TRPM6: variants seen among roughly 807,000 people sequenced by gnomAD.
The protein encoded by TRPM6 is channel kinase 2.
Under a neutral mutation model 247.6 loss-of-function variants are expected in TRPM6, and 111 were observed. The ratio of observed to expected loss-of-function variants is 0.45; its 90% CI spans 0.38 to 0.52. The LOEUF is 0.52. TRPM6 is among the 20% of genes least tolerant of loss of function. The probability of loss-of-function intolerance (pLI) is 0.00; values close to 1 mark genes in which losing one functional copy is unlikely to be tolerated. For missense variants in TRPM6, 2,126 were observed against 2,421.5 expected (o/e 0.88, Z 2.56); for synonymous variants, 892 against 853.8 (o/e 1.04, Z -0.78).
At position 74,801,993 on chromosome 9, in the gene TRPM6, G is replaced by A. The variant is rs1339465325; in HGVS notation, c.1914C>T (p.Ala638=). 6 of 1,614,062 alleles carry A rather than the reference G, an allele frequency of 3.7e-6. No homozygotes were observed. Among genetic ancestry groups the A allele is most frequent in the African/African-American group, 1.3e-5 (1 of 74,936 alleles). ...CCCGGTAGAGGATACACGCAATCAC[G>A]GCTTTAACCGTGGCCTCCTCTCCAT... ...WQHGEEATVK[A]VIACILYRAM... Residue 638 remains alanine (A), a synonymous_variant, in exon 16 of 39, where the codon GCC becomes GCT. Transcript: ENST00000360774.
intron 13 of TRPM6, among the ~76,000 whole-genome samples, 188 bp downstream of exon 13, chr9:74,810,627 A>G (rs1828696973): frequency 6.6e-6 from 1 of 152,236 alleles, no homozygotes; most frequent in Admixed American, 6.5e-5. Context: ...TTTAAAACAT[A>G]AAGTAAATTA....
intron 23 of TRPM6, among the ~76,000 whole-genome samples, chr9:74,777,064 T>C (rs1402066256): frequency 6.6e-6 from 1 of 152,170 alleles, no homozygotes; most frequent in African/African-American, 2.4e-5. Flanking sequence ...AGAAGGTGAT[T>C]GAAACATAGA....
chr9:74,795,449 C>T (rs1828057268), intron 18 of TRPM6, among the ~76,000 whole-genome samples: 1 of 152,196 alleles, frequency 6.6e-6, no homozygotes, highest in Admixed American at 6.5e-5. Context: ...CAGCTTGTCA[C>T]ATAACCCTCA....
chr9:74,866,861 A>G (rs1412260057), intron 1 of TRPM6, among the ~76,000 whole-genome samples: 1 of 152,206 alleles, frequency 6.6e-6, no homozygotes, highest in Non-Finnish European at 1.5e-5. Context: ...AAAACTACCA[A>G]GTACTCCAAA....
intron 33 of TRPM6, 39 bp from the exon 34 acceptor site, chr9:74,740,048 G>C (rs1204569933): frequency 1.2e-6 from 2 of 1,605,742 alleles, no homozygotes; most frequent in Non-Finnish European, 1.7e-6. Flanking sequence ...CAATAAGATT[G>C]CCATGTCTGT....
intron 5 of TRPM6, among the ~76,000 whole-genome samples, chr9:74,839,313 C>G (rs2118181138): frequency 6.6e-6 from 1 of 152,154 alleles, no homozygotes; most frequent in African/African-American, 2.4e-5. Context: ...AGACAGTTCA[C>G]AAACACTGAA....
chr9:74,809,619 T>G (rs1233674161), intron 13 of TRPM6, among the ~76,000 whole-genome samples: 1 of 152,194 alleles, frequency 6.6e-6, no homozygotes, highest in African/African-American at 2.4e-5. Flanking sequence ...AAAATCATTT[T>G]TATATTGCAT....
intron 9 of TRPM6, among the ~76,000 whole-genome samples, chr9:74,817,743 G>A (rs936985189): frequency 2.5e-4 from 38 of 151,918 alleles, no homozygotes; most frequent in Non-Finnish European, 5.2e-4. Context: ...CAAAAAAAGG[G>A]GGGGGGAGTC....
intron 1 of TRPM6, among the ~76,000 whole-genome samples, chr9:74,871,257 C>T (rs541224923): frequency 4.6e-5 from 7 of 152,092 alleles, no homozygotes; most frequent in African/African-American, 1.7e-4. Context: ...AGTTAAATTT[C>T]CCTCCCACCC....
intron 13 of TRPM6, among the ~76,000 whole-genome samples, chr9:74,809,713 C>A (rs956550086): frequency 5.3e-5 from 8 of 152,002 alleles, no homozygotes; most frequent in African/African-American, 1.9e-4. Flanking sequence ...GCACGATGGA[C>A]CATGCCTGTA....
At chr9:74,777,874 T>C (rs890779308) in intron 23 of TRPM6, among the ~76,000 whole-genome samples, 1 of 152,212 alleles carries the variant, frequency 6.6e-6, no homozygotes, top group Non-Finnish European at 1.5e-5. Context: ...GTGCATTTAG[T>C]TTTCTTTAAG....
intron 1 of TRPM6, among the ~76,000 whole-genome samples, chr9:74,882,372 A>T (rs2118534992): frequency 6.6e-6 from 1 of 152,338 alleles, no homozygotes; most frequent in African/African-American, 2.4e-5. Context: ...CAGGGGACTA[A>T]TATCCAGAAT....
rs143587180 is a variant in TRPM6 at position 74,808,107 on chromosome 9, C to T, written c.1565G>A (p.Gly522Asp). 6.2e-7 allele frequency: 1 copy of T among 1,613,970 alleles called. No homozygotes were observed. The highest frequency in any genetic ancestry group is 8.5e-7 in the Non-Finnish European group (1 of 1,179,924). Reference sequence around the variant, plus strand: ...AGTGTAGTTGCTGCGATATGCTCTACCAATGAGGTATTCTACTACTAATCC... The same window carrying T: ...AGTGTAGTTGCTGCGATATGCTCTATCAATGAGGTATTCTACTACTAATCC... ...DIGLVVEYLI[G>D]RAYRSNYTRK... The change falls in exon 14 of 39, where the codon GGT becomes GAT. Residue 522 changes from glycine (G) to aspartate (D), a missense_variant. Physicochemically the swap from Gly to Asp is moderately conservative, Grantham distance 94. Coordinates refer to ENST00000360774, the MANE Select transcript of TRPM6 (RefSeq NM_017662.5).
intron 30 of TRPM6, among the ~76,000 whole-genome samples, chr9:74,748,395 AAAC>A (rs1826121409): frequency 6.6e-6 from 1 of 152,220 alleles, no homozygotes; most frequent in African/African-American, 2.4e-5. Context: ...AGTTAACTGT[AAAC>A]AGCCTCTGGC....
chr9:74,745,611 C>T lies in TRPM6; in HGVS notation c.5084-1466G>A, dbSNP rs145375484. ...CAGAGTTGAAGGAAGAGAGGGGCAG[C>T]AATATGTATAAATGAAGAGTATTCC... On this transcript the variant is annotated intron_variant, in intron 31 of 38. Coordinates refer to ENST00000360774, the MANE Select transcript of TRPM6 (RefSeq NM_017662.5). Among the ~76,000 whole-genome samples, 16 of 152,110 alleles carry T rather than the reference C, an allele frequency of 1.1e-4. No homozygotes were observed. The East Asian group carries it at 2.5e-3, about 24-fold the overall frequency.
intron 1 of TRPM6, chr9:74,875,368 C>T: frequency 2.6e-6 from 1 of 390,050 alleles, no homozygotes; most frequent in South Asian, 1.8e-5. Flanking sequence ...CAAGGTAAAA[C>T]CCTGTCTCTA....
chr9:74,796,864 G>T lies in TRPM6; in HGVS notation c.2268C>A (p.Thr756=), dbSNP rs780748569. The part of the protein sequence containing the change: ...KIIISIILPP[T]ILTLEFKSKA... ...TGCTTTTAAATTCCAGTGTCAAAAT[G>T]GTGGGTGGTAAAATAATGCTTATAA... The change falls in exon 18 of 39, where the codon ACC becomes ACA. Residue 756 remains threonine, a synonymous_variant. Coordinates refer to ENST00000360774, the MANE Select transcript of TRPM6 (RefSeq NM_017662.5). 3.1e-6 allele frequency: 5 copies of T among 1,613,758 alleles called. No individual in the cohort carries two copies. Among genetic ancestry groups the T allele is most frequent in the Non-Finnish European group, 4.2e-6 (5 of 1,179,804 alleles).
chr9:74,855,796 A>T (rs553526125), intron 2 of TRPM6, among the ~76,000 whole-genome samples: 1 of 152,302 alleles, frequency 6.6e-6, no homozygotes, highest in African/African-American at 2.4e-5. Context: ...CTCAATTTAA[A>T]TCTCATTGAT....
chr9:74,858,443 ACAGACACTGGAGTAAG>A (rs1830595031), intron 2 of TRPM6, among the ~76,000 whole-genome samples: 2 of 152,382 alleles, frequency 1.3e-5, no homozygotes, highest in Admixed American at 1.3e-4. Flanking sequence ...AGGCACTGTC[ACAGACACTGGAGTAAG>A]AGTAAGGTAA....
Sources: allele counts gnomAD v4.1 joint callset (sites outside exome capture counted in the v4.1 genomes callset), GRCh38; gene constraint gnomAD v4.1.1; transcripts MANE v1.5; gene names NCBI Gene and HGNC (gene_info 2026-07-23, HGNC 2026-07-21).